CNTNAP4: variants seen among roughly 807,000 people sequenced by gnomAD.
CNTNAP4 encodes contactin-associated protein-like 4.
In CNTNAP4, 98 loss-of-function variants were observed where a neutral mutation model predicts 148.4. The ratio of observed to expected loss-of-function variants is 0.66; its 90% CI spans 0.56 to 0.78. CNTNAP4 has a LOEUF of 0.78. Ranked by LOEUF, CNTNAP4 falls within the 30% of genes least tolerant of loss-of-function variation. CNTNAP4 has a pLI of 0.00. For missense variants in CNTNAP4, 1,935 were observed against 1,565.6 expected (o/e 1.24, Z -3.98); for synonymous variants, 730 against 565.1 (o/e 1.29, Z -4.14).
In CNTNAP4 at chr16:76,294,856, C is replaced by T. The variant is rs78333352; in HGVS notation, c.85+17109C>T. Among the ~76,000 whole-genome samples the T allele has an allele frequency of 2.2e-4, 34 of 152,352 alleles. No individual in the cohort carries two copies. In the East Asian group the frequency reaches 5.8e-3, roughly 26 times the overall value. On this transcript the variant is annotated intron_variant, in intron 1 of 23. Coordinates refer to ENST00000611870, the MANE Select transcript of CNTNAP4 (RefSeq NM_033401.5). ...TTATTATGGTCTCAATCTGTAAATTCTTGCTCGCAATTGAGAACAGAAGTT... is the reference window on the plus strand; with the variant it reads ...TTATTATGGTCTCAATCTGTAAATTTTTGCTCGCAATTGAGAACAGAAGTT...
chr16:76,365,084 T>C (rs1025742230), intron 3 of CNTNAP4, among the ~76,000 whole-genome samples: 19 of 152,204 alleles, frequency 1.2e-4, no homozygotes, highest in Admixed American at 1.2e-3. Context: ...GTTTCAGCTT[T>C]CTGCATACGG....
rs368778043 is a variant in CNTNAP4, at chr16:76,537,148, G to T, written c.2996-968G>T. On this transcript the variant is annotated intron_variant, in intron 18 of 23. Coordinates refer to ENST00000611870, the MANE Select transcript of CNTNAP4 (RefSeq NM_033401.5). Reference sequence around the variant, plus strand: ...CACTTCATTAAAATAACATGTCTTTGTTTTCTGGATATAAATAATTTCCAG... The same window carrying T: ...CACTTCATTAAAATAACATGTCTTTTTTTTCTGGATATAAATAATTTCCAG... 3.9e-5 allele frequency among the ~76,000 whole-genome samples: 6 copies of T among 152,180 alleles called. No individual in the cohort carries two copies. The East Asian group carries it at 1.2e-3, about 29-fold the overall frequency.
At chr16:76,546,635 T>C (rs968178354) in intron 21 of CNTNAP4, among the ~76,000 whole-genome samples, 7 of 152,272 alleles carry the variant, frequency 4.6e-5, no homozygotes, top group East Asian at 1.9e-4. Context: ...CAATGCATAA[T>C]AGAAAGTGCA....
At chr16:76,348,774 C>T (rs58799953) in intron 2 of CNTNAP4, among the ~76,000 whole-genome samples, 26,617 of 150,718 alleles carry the variant, frequency 0.18, 2,867 homozygotes, top group East Asian at 0.34. Context: ...TGATTGGAGT[C>T]GGCCCAAGAA....
Position 76,538,176 on chromosome 16 carries a change from T to C in CNTNAP4, c.3056T>C (p.Leu1019Pro), listed in dbSNP as rs1161672504. 1.2e-6 allele frequency: 2 copies of C among 1,600,726 alleles called. No homozygotes were observed. Among genetic ancestry groups the C allele is most frequent in the Admixed American group, 1.8e-5 (1 of 56,588 alleles). The change falls in exon 19 of 24, where the codon CTT becomes CCT. Residue 1019 changes from leucine (L) to proline (P), a missense_variant. By Grantham distance (98) the Leu-to-Pro change is moderately conservative. Transcript: ENST00000611870. Reference protein sequence around the residue: ...SVIYNFQENYLLSKNSSSHAA... With the variant: ...SVIYNFQENYPLSKNSSSHAA... ...ATATACAATTTTCAAGAAAATTATC[T>C]TTTAAGTAAAAACTCCAGCTCCCAC... is the stretch of plus-strand genomic sequence containing the variant.
intron 15 of CNTNAP4, among the ~76,000 whole-genome samples, chr16:76,517,474 T>C (rs535804710): frequency 1.5e-3 from 227 of 152,250 alleles, no homozygotes; most frequent in Non-Finnish European, 2.7e-3. Flanking sequence ...TTCTTTATGA[T>C]TATTAAGCAT....
At chr16:76,372,137 A>ATTT (rs2014896739) in intron 3 of CNTNAP4, among the ~76,000 whole-genome samples, 2 of 119,884 alleles carry the variant, frequency 1.7e-5, no homozygotes, top group Non-Finnish European at 3.6e-5. Context: ...TTCCAGCCCA[A>ATTT]ATTTTTTTTT....
At chr16:76,420,036 T>C (rs1020085189) in intron 3 of CNTNAP4, among the ~76,000 whole-genome samples, 13 of 151,958 alleles carry the variant, frequency 8.6e-5, no homozygotes, top group Non-Finnish European at 1.6e-4. Flanking sequence ...ATTTATTCTA[T>C]AGCACCATGA....
At chr16:76,476,730 T>G in intron 11 of CNTNAP4, among the ~76,000 whole-genome samples, 1 of 152,078 alleles carries the variant, frequency 6.6e-6, no homozygotes, top group Non-Finnish European at 1.5e-5. Flanking sequence ...ACAAGGGCAC[T>G]AAATCCCACT....
intron 12 of CNTNAP4, among the ~76,000 whole-genome samples, chr16:76,484,120 GA>G (rs1447797348): frequency 2.0e-5 from 3 of 150,836 alleles, no homozygotes; most frequent in Admixed American, 1.3e-4. Context: ...ATTATTTGGG[GA>G]AAAAATTGTA....
intron 2 of CNTNAP4, among the ~76,000 whole-genome samples, chr16:76,331,397 C>T (rs1314765727): frequency 2.0e-5 from 3 of 151,776 alleles, no homozygotes; most frequent in Non-Finnish European, 4.4e-5. Context: ...ACAGTGTTAG[C>T]CAGGATGGTC....
intron 1 of CNTNAP4, 60 bp from the exon 2 acceptor site, chr16:76,316,353 T>TTGA (rs1428817272): frequency 9.3e-7 from 1 of 1,073,116 alleles, no homozygotes; most frequent in Non-Finnish European, 1.4e-6. Flanking sequence ...GTTTTGTCTA[T>TTGA]TGATTCCACG....
intron 3 of CNTNAP4, among the ~76,000 whole-genome samples, chr16:76,390,663 G>C (rs1166505204): frequency 2.0e-5 from 3 of 151,774 alleles, no homozygotes; most frequent in Non-Finnish European, 4.4e-5. Flanking sequence ...CTGGAATGTG[G>C]CTTCACAGGT....
intron 15 of CNTNAP4, among the ~76,000 whole-genome samples, chr16:76,510,187 C>CT (rs139189170): frequency 0.017 from 2,438 of 147,112 alleles, 77 homozygotes; most frequent in African/African-American, 0.057. Context: ...CAGTAACCTG[C>CT]TTTTTTTTTT....
At chr16:76,346,196 C>T in intron 2 of CNTNAP4, among the ~76,000 whole-genome samples, 1 of 152,110 alleles carries the variant, frequency 6.6e-6, no homozygotes, top group East Asian at 1.9e-4. Flanking sequence ...CGAATGTGTT[C>T]TAGCATTTTA....
chr16:76,436,415 G>C (rs970090895), intron 4 of CNTNAP4, among the ~76,000 whole-genome samples: 1 of 152,094 alleles, frequency 6.6e-6, no homozygotes, highest in African/African-American at 2.4e-5. Context: ...TGGCAAGGCT[G>C]TGCATCCACC....
chr16:76,387,861 C>T (rs570509724), intron 3 of CNTNAP4, among the ~76,000 whole-genome samples: 41 of 152,148 alleles, frequency 2.7e-4, no homozygotes, highest in South Asian at 8.3e-4. Context: ...AAGTGATTGC[C>T]GTTATTTTTG....
At chr16:76,503,816 A>T (rs1013765110) in intron 15 of CNTNAP4, among the ~76,000 whole-genome samples, 6 of 152,080 alleles carry the variant, frequency 3.9e-5, no homozygotes, top group Non-Finnish European at 7.3e-5. Context: ...GCTGAGAATG[A>T]TGGTTTCCAA....
chr16:76,433,249 T>C lies in CNTNAP4; in HGVS notation c.538+5650T>C, dbSNP rs957742226. On this transcript the variant is annotated intron_variant, in intron 4 of 23. Coordinates refer to ENST00000611870, the MANE Select transcript of CNTNAP4 (RefSeq NM_033401.5). ...AGGAATGCTTTCTCCATCATTCTAG[T>C]GTTCAACTTGTTAAAGATCAGGAAT... is the stretch of plus-strand genomic sequence containing the variant. Among the ~76,000 whole-genome samples the C allele has an allele frequency of 1.5e-4, 23 of 152,242 alleles. 1 individual carries two copies. The highest frequency in any genetic ancestry group is 5.5e-4 in the African/African-American group (23 of 41,588).
Sources: allele counts gnomAD v4.1 joint callset (sites outside exome capture counted in the v4.1 genomes callset), GRCh38; gene constraint gnomAD v4.1.1; transcripts MANE v1.5; gene names NCBI Gene and HGNC (gene_info 2026-07-23, HGNC 2026-07-21).